Variants in PCNX1 observed in about 807,000 individuals in gnomAD.
The protein encoded by PCNX1 is pecanex 1, also known as pecanex-like protein 1.
A neutral mutation model predicts 242.2 loss-of-function variants in PCNX1; 78 were observed. The observed-to-expected ratio is 0.32, with a 90% CI of 0.27 to 0.39. The LOEUF (loss-of-function observed/expected upper bound fraction) is 0.39, where lower values mean the gene tolerates loss of function less well. Among genes scored for constraint, PCNX1 ranks in the 10% least tolerant of loss-of-function variants. The pLI is 1.00. For missense variants in PCNX1, 2,581 were observed against 2,856.5 expected, an observed-to-expected ratio of 0.90 and a Z score of 2.20; for synonymous variants, 1,024 against 1,032.9, an observed-to-expected ratio of 0.99 and a Z score of 0.17.
At chr14:71,017,601 T>G (rs1392670698) in intron 11 of PCNX1, among the ~76,000 whole-genome samples, 1 of 152,156 alleles carries the variant, frequency 6.6e-6, no homozygotes, top group Admixed American at 6.6e-5. Context: ...GCAAAATTAC[T>G]TAGCTCTGAT....
intron 9 of PCNX1, among the ~76,000 whole-genome samples, chr14:71,010,478 A>G (rs1490386300): frequency 6.6e-6 from 1 of 152,084 alleles, no homozygotes; most frequent in Admixed American, 6.5e-5. Flanking sequence ...ATTTCTTAAA[A>G]TATGTCTCAT....
At position 70,956,072 on chromosome 14, in the gene PCNX1, A is replaced by G. The variant is rs76868104; in HGVS notation, c.363-6154A>G. Among the ~76,000 whole-genome samples, 1,221 of 152,192 alleles carry G rather than the reference A, an allele frequency of 8.0e-3. 15 individuals carry two copies. The highest frequency in any genetic ancestry group is 0.028 in the African/African-American group (1,147 of 41,494). On this transcript the variant is annotated intron_variant, in intron 2 of 35. Coordinates refer to ENST00000304743, the MANE Select transcript of PCNX1 (RefSeq NM_014982.3). ...CACTGAGGGGCTGCTGCTGACATCTAGTGGGTAAAGGCCAGAGATGCTGCT... is the reference window on the plus strand; with the variant it reads ...CACTGAGGGGCTGCTGCTGACATCTGGTGGGTAAAGGCCAGAGATGCTGCT...
At position 70,936,534 on chromosome 14, in the gene PCNX1, T is replaced by C. The variant is rs2057013250; in HGVS notation, c.154-10381T>C. ...TTTTCTTAATCCAGTCTATCATTGA[T>C]GGACATTTGGGTTGGTTCCAAGTCT... On this transcript the variant is annotated intron_variant, in intron 1 of 35. Transcript: ENST00000304743. Among the ~76,000 whole-genome samples, 3 of 152,368 alleles carry C rather than the reference T, an allele frequency of 2.0e-5. No homozygotes were observed. In the South Asian group the frequency reaches 6.2e-4, roughly 32 times the overall value.
At chr14:71,010,530 T>C (rs2059795012) in intron 9 of PCNX1, among the ~76,000 whole-genome samples, 1 of 152,088 alleles carries the variant, frequency 6.6e-6, no homozygotes, top group Admixed American at 6.5e-5. Flanking sequence ...CTGAAGGAAT[T>C]TGTAAGATAA....
At chr14:70,975,755 A>C (rs1016984407) in intron 5 of PCNX1, among the ~76,000 whole-genome samples, 1 of 152,034 alleles carries the variant, frequency 6.6e-6, no homozygotes, top group Admixed American at 6.6e-5. Flanking sequence ...ATAAATTACA[A>C]TGTAGGTAGG....
At chr14:71,084,844 A>T (rs2061944138) in intron 28 of PCNX1, among the ~76,000 whole-genome samples, 1 of 151,996 alleles carries the variant, frequency 6.6e-6, no homozygotes, top group South Asian at 2.1e-4. Flanking sequence ...CCCCCTTTCC[A>T]GGGGAGTGAA....
intron 32 of PCNX1, among the ~76,000 whole-genome samples, chr14:71,103,920 ATTTG>A (rs2062533730): frequency 1.3e-5 from 2 of 152,246 alleles, no homozygotes; most frequent in South Asian, 2.1e-4. Flanking sequence ...AATTCCCTTT[ATTTG>A]TTTAATTTTT....
rs149077720 is a variant in PCNX1, at chr14:71,089,674, C to G, written c.5589+332C>G. On this transcript the variant is annotated intron_variant, in intron 30 of 35. Transcript: ENST00000304743. ...GAGAACAGCAGCATGGGGGTAACTG[C>G]TCTCATGATTCAATTACCTCCCACC... is the stretch of plus-strand genomic sequence containing the variant. Among the ~76,000 whole-genome samples the G allele has an allele frequency of 8.9e-3, 1,352 of 152,288 alleles. 8 individuals carry two copies. The highest frequency in any genetic ancestry group is 0.017 in the South Asian group (82 of 4,826).
chr14:70,963,356 A>G lies in PCNX1; in HGVS notation c.468+1025A>G, dbSNP rs188548487. On this transcript the variant is annotated intron_variant, in intron 3 of 35. Coordinates refer to ENST00000304743, the MANE Select transcript of PCNX1 (RefSeq NM_014982.3). ...CCTCTTTTTTTCTTCTGTCTTATAT[A>G]CTGCCTTGTGTACAGTTGACTTTAA... 3.3e-3 allele frequency among the ~76,000 whole-genome samples: 497 copies of G among 152,268 alleles called. 4 individuals are homozygous for G. The highest frequency in any genetic ancestry group is 4.0e-3 in the Non-Finnish European group (269 of 68,012).
rs545288389 is a variant in PCNX1, at chr14:71,035,063, G to A, written c.3775-1002G>A. On this transcript the variant is annotated intron_variant, in intron 18 of 35. Transcript: ENST00000304743. ...GGGATATACCCCTATAAATGACACCGTGGTCAGGAGTGGTGGTGTGTGCCT... is the reference window on the plus strand; with the variant it reads ...GGGATATACCCCTATAAATGACACCATGGTCAGGAGTGGTGGTGTGTGCCT... 1.1e-3 allele frequency among the ~76,000 whole-genome samples: 172 copies of A among 152,200 alleles called. 1 individual carries two copies. The highest frequency in any genetic ancestry group is 6.8e-3 in the Middle Eastern group (2 of 294).
At chr14:71,026,738 AT>A (rs2140873105) in intron 14 of PCNX1, 33 bp from the exon 15 acceptor site, 1 of 982,304 alleles carries the variant, frequency 1.0e-6, no homozygotes, top group African/African-American at 1.6e-5. Flanking sequence ...ATACAGTATA[AT>A]ATTTTAAAAT....
In PCNX1 at chr14:70,949,303, A is replaced by ACACG. The variant is rs1566608840; in HGVS notation, c.362+2180_362+2181insCACG. Reference sequence around the variant, plus strand: ...TGTATACACACACGTGTGTACACACATATGTGTGTAGATACACACGTGTAT... The same window carrying ACACG: ...TGTATACACACACGTGTGTACACACACACGTATGTGTGTAGATACACACGTGTAT... On this transcript the variant is annotated intron_variant, in intron 2 of 35. Coordinates refer to ENST00000304743, the MANE Select transcript of PCNX1 (RefSeq NM_014982.3). Among the ~76,000 whole-genome samples, 6 of 141,252 alleles carry ACACG rather than the reference A, an allele frequency of 4.2e-5. No individual in the cohort carries two copies. The East Asian group carries it at 8.1e-4, about 19-fold the overall frequency. 92.7% of individuals were successfully genotyped at this position (141,252 alleles called of 152,430 possible). A position where few individuals can be genotyped will look rare whatever the true frequency, so the allele number is the denominator to read the frequency against.
chr14:71,088,274 A>G (rs1439923309), intron 28 of PCNX1, 56 bp from the exon 29 acceptor site: 5 of 967,922 alleles, frequency 5.2e-6, no homozygotes, highest in Non-Finnish European at 8.2e-6. Context: ...TCGATTTATG[A>G]TTTGTTAAAT....
chr14:71,059,497 C>A (rs1176589989), intron 26 of PCNX1, among the ~76,000 whole-genome samples: 1 of 152,092 alleles, frequency 6.6e-6, no homozygotes, highest in African/African-American at 2.4e-5. Flanking sequence ...GATCCTCTTG[C>A]CTCAGCCTCC....
At chr14:70,928,440 A>T (rs866001213) in intron 1 of PCNX1, among the ~76,000 whole-genome samples, 1 of 152,228 alleles carries the variant, frequency 6.6e-6, no homozygotes, top group Non-Finnish European at 1.5e-5. Flanking sequence ...TGGACTTGCC[A>T]TGAGACAGCT....
In PCNX1 at chr14:70,962,319, T is replaced by G; in HGVS notation, c.456T>G (p.Asp152Glu). The G allele has an allele frequency of 6.2e-7, 1 of 1,607,906 alleles. No individual in the cohort carries two copies. Among genetic ancestry groups the G allele is most frequent in the Non-Finnish European group, 8.5e-7 (1 of 1,174,362 alleles). Reference protein sequence around the residue: ...CSSRNSYAGLDPSNQIGSGSS... With the variant: ...CSSRNSYAGLEPSNQIGSGSS... ...CCAGAAATTCTTATGCCGGTCTAGA[T>G]CCAAGCAACCAGGTAGGAACCTGCG... Residue 152 changes from aspartate to glutamate, a missense_variant, in exon 3 of 36, where the codon GAT becomes GAG. This residue lies in a region of PCNX1 where 1,204 missense variants were observed against 1,216.7 expected (regional missense o/e 0.99). Coordinates refer to ENST00000304743, the MANE Select transcript of PCNX1 (RefSeq NM_014982.3).
Position 70,978,010 on chromosome 14 carries a change from A to C in PCNX1, c.1673A>C (p.Lys558Thr), listed in dbSNP as rs1307948191. 1 of 1,614,006 alleles carries C rather than the reference A, an allele frequency of 6.2e-7. No homozygotes were observed. The highest frequency in any genetic ancestry group is 2.2e-5 in the East Asian group (1 of 44,880). ...SVIHRTASAH[K>T]SGRRRTGKKR... The stretch of plus-strand genomic sequence containing the variant: ...ATCCATCGGACAGCTTCTGCCCACA[A>C]GTCAGGCAGGAGACGCACAGGAAAA... Residue 558 changes from lysine (K) to threonine (T), a missense_variant, in exon 6 of 36, where the codon AAG becomes ACG. Physicochemically the swap from Lys to Thr is moderately conservative, Grantham distance 78 (BLOSUM62 -1). Around this residue, in one of 9 missense-constraint regions of PCNX1, gnomAD observed 1,204 missense variants for 1,216.7 expected, o/e 0.99. Coordinates refer to ENST00000304743, the MANE Select transcript of PCNX1 (RefSeq NM_014982.3).
At chr14:71,088,034 T>A (rs564856953) in intron 28 of PCNX1, among the ~76,000 whole-genome samples, 1 of 152,176 alleles carries the variant, frequency 6.6e-6, no homozygotes, top group Non-Finnish European at 1.5e-5. Flanking sequence ...ATATCAGTAA[T>A]CTCAGTAAGT....
chr14:71,021,353 T>C (rs1053007740), intron 12 of PCNX1, among the ~76,000 whole-genome samples: 14 of 152,198 alleles, frequency 9.2e-5, no homozygotes, highest in Admixed American at 5.9e-4. Context: ...CTTTGGGCAG[T>C]ATGGCCATTT....
Sources: gnomAD v4.1 joint callset for allele counts (sites outside exome capture counted in the v4.1 genomes callset) on GRCh38, gnomAD v4.1.1 for gene constraint, gnomAD v4.1.1 regional missense constraint, MANE v1.5 for transcripts, NCBI Gene and HGNC (gene_info 2026-07-23, HGNC 2026-07-21) for gene names.